Variants in SOAT2 observed in about 807,000 individuals in gnomAD.
SOAT2 encodes ACAT-2.
Under a neutral mutation model 76.0 loss-of-function variants are expected in SOAT2, and 87 were observed. The ratio of observed to expected loss-of-function variants is 1.14; its 90% CI spans 0.96 to 1.37. The LOEUF (loss-of-function observed/expected upper bound fraction) is 1.37, where lower values mean the gene tolerates loss of function less well. Among genes scored for constraint, SOAT2 ranks in the 40% most tolerant of loss-of-function variants. SOAT2 has a pLI of 0.00. For missense variants in SOAT2, 686 were observed against 682.1 expected, an observed-to-expected ratio of 1.01 and a Z score of -0.06; for synonymous variants, 285 against 275.4, an observed-to-expected ratio of 1.03 and a Z score of -0.34.
Position 53,109,720 on chromosome 12 carries a change from T to C in SOAT2, c.443+3706T>C, listed in dbSNP as rs1345969746. Among the ~76,000 whole-genome samples the C allele has an allele frequency of 2.0e-5, 3 of 152,156 alleles. No individual in the cohort carries two copies. The East Asian group carries it at 5.8e-4, about 29-fold the overall frequency. On this transcript the variant is annotated intron_variant, in intron 5 of 14. Coordinates refer to ENST00000301466, the MANE Select transcript of SOAT2 (RefSeq NM_003578.4). ...CCAGGCTGGTCTTGAACTCCTGACC[T>C]CAAGCGATCCACCCACCTTGACATT...
intron 2 of SOAT2, 37 bp downstream of exon 2, chr12:53,104,243 A>C (rs1212003581): frequency 6.8e-7 from 1 of 1,477,926 alleles, no homozygotes; most frequent in Admixed American, 1.7e-5. Context: ...AAGTGGACAG[A>C]TCCTTGGTAG....
chr12:53,123,278 T>A, intron 13 of SOAT2, 62 bp downstream of exon 13: 8 of 1,599,876 alleles, frequency 5.0e-6, no homozygotes, highest in African/African-American at 1.3e-5. Context: ...ATCCTGCTCC[T>A]GCAGATCCCA....
rs36020119 is a variant in SOAT2 at position 53,121,371 on chromosome 12, G to C, written c.1206G>C (p.Leu402=). ...RTWNVVVHDW[L]YSYVYQDGLR... Reference sequence around the variant, plus strand: ...GGAACGTGGTGGTCCATGACTGGCTGTACAGCTACGTGTATCAGGATGGGC... The same window carrying C: ...GGAACGTGGTGGTCCATGACTGGCTCTACAGCTACGTGTATCAGGATGGGC... Residue 402 remains leucine (L), a synonymous_variant, in exon 12 of 15, where the codon CTG becomes CTC. Coordinates refer to ENST00000301466, the MANE Select transcript of SOAT2 (RefSeq NM_003578.4). 945 of 1,614,152 alleles carry C rather than the reference G, an allele frequency of 5.9e-4. 9 individuals carry two copies. In the African/African-American group the frequency reaches 0.011, roughly 18 times the overall value.
At chr12:53,108,629 G>A (rs566454666) in intron 5 of SOAT2, among the ~76,000 whole-genome samples, 1 of 152,322 alleles carries the variant, frequency 6.6e-6, no homozygotes, top group Admixed American at 6.5e-5. Context: ...TAAGCAAAAA[G>A]TGAAAAAGAT....
chr12:53,105,594 T>C lies in SOAT2; in HGVS notation c.309T>C (p.Val103=), dbSNP rs1297621696. The part of the protein sequence containing the change: ...TQEPSLGKQK[V]FIIRKSLLDE... ...AGCCATCCCTGGGGAAACAGAAAGT[T>C]TTCATCATCCGCAAGTCCCTGCTTG... is the stretch of plus-strand genomic sequence containing the variant. The change falls in exon 4 of 15, where the codon GTT becomes GTC. Residue 103 remains valine (V), a synonymous_variant. Coordinates refer to ENST00000301466, the MANE Select transcript of SOAT2 (RefSeq NM_003578.4). 6.2e-7 allele frequency: 1 copy of C among 1,611,482 alleles called. No homozygotes were observed. Among genetic ancestry groups the C allele is most frequent in the African/African-American group, 1.3e-5 (1 of 74,856 alleles).
intron 5 of SOAT2, among the ~76,000 whole-genome samples, chr12:53,106,405 C>T (rs772310896): frequency 2.6e-5 from 4 of 152,346 alleles, no homozygotes; most frequent in Middle Eastern, 6.8e-3. Flanking sequence ...GGGCAGACCC[C>T]ACTCCTGTCT....
chr12:53,116,861 C>T (rs1938113301), intron 7 of SOAT2, among the ~76,000 whole-genome samples: 1 of 151,242 alleles, frequency 6.6e-6, no homozygotes, highest in Admixed American at 6.6e-5. Flanking sequence ...GACTGAGATC[C>T]CATCTCAAAA....
chr12:53,105,056 A>T (rs1231687356), intron 2 of SOAT2, 51 bp from the exon 3 acceptor site: 1 of 1,539,942 alleles, frequency 6.5e-7, no homozygotes, highest in African/African-American at 1.4e-5. Flanking sequence ...GGTGAATGAA[A>T]GGATGGCTGA....
intron 3 of SOAT2, 50 bp downstream of exon 3, chr12:53,105,293 G>C: frequency 6.4e-7 from 1 of 1,573,116 alleles, no homozygotes; most frequent in Non-Finnish European, 8.6e-7. Flanking sequence ...AGGATCATGA[G>C]CTAGAAACAT....
At chr12:53,119,055 G>A in intron 9 of SOAT2, 69 bp from the exon 10 acceptor site, 1 of 1,611,312 alleles carries the variant, frequency 6.2e-7, no homozygotes, top group Non-Finnish European at 8.5e-7. Flanking sequence ...CCAGTGCTGG[G>A]CCAGAGGTCA....
chr12:53,104,082 A>G, intron 1 of SOAT2, 69 bp from the exon 2 acceptor site: 1 of 1,320,750 alleles, frequency 7.6e-7, no homozygotes. Context: ...TTTCCTGACC[A>G]CAGGATGCCT....
At position 53,115,333 on chromosome 12, in the gene SOAT2, G is replaced by A. The variant is rs768348431; in HGVS notation, c.444-57G>A. 2.6e-4 allele frequency: 396 copies of A among 1,514,736 alleles called. 1 individual carries two copies. The highest frequency in any genetic ancestry group is 7.5e-4 in the Middle Eastern group (4 of 5,334). 93.8% of individuals were successfully genotyped at this position (1,514,736 alleles called of 1,614,324 possible). ...TCTTCCAGGAGCTCAGACTGAAGAGGAAGGGGACAAGAATGGGCTTCACTT... is the reference window on the plus strand; with the variant it reads ...TCTTCCAGGAGCTCAGACTGAAGAGAAAGGGGACAAGAATGGGCTTCACTT... On this transcript the variant is annotated intron_variant, in intron 5 of 14. Transcript: ENST00000301466.
rs1207682981 is a variant in SOAT2 at position 53,124,120 on chromosome 12, C to G, written c.1566C>G (p.Thr522=). 1.2e-6 allele frequency: 2 copies of G among 1,614,052 alleles called. No homozygotes were observed. The highest frequency in any genetic ancestry group is 1.7e-6 in the Non-Finnish European group (2 of 1,180,038). Residue 522 remains threonine, a synonymous_variant, in exon 15 of 15, where the codon ACC becomes ACG. Transcript: ENST00000301466. ...CACCTCGATCTTGGTCCTGCCATAC[C>G]TAGAGGTCGGGACAGACGACGCTAC... ...LVTPRSWSCH[T]
At chr12:53,118,575 A>T (rs1026322972) in intron 8 of SOAT2, 141 bp downstream of exon 8, 2 of 686,020 alleles carry the variant, frequency 2.9e-6, no homozygotes, top group Admixed American at 5.0e-5. Flanking sequence ...GATGGGAAAT[A>T]GGTGACTGGT....
At chr12:53,105,835 T>C in intron 4 of SOAT2, 72 bp from the exon 5 acceptor site, 1 of 1,274,152 alleles carries the variant, frequency 7.8e-7, no homozygotes. Flanking sequence ...GCCTCATGTG[T>C]ACAGTGTCTG....
chr12:53,105,264 C>A, intron 3 of SOAT2, 21 bp downstream of exon 3: 2 of 1,595,476 alleles, frequency 1.3e-6, no homozygotes, highest in South Asian at 1.1e-5. Flanking sequence ...GGAATGGCTG[C>A]GCGGGCTCCT....
At chr12:53,105,331 C>A in intron 3 of SOAT2, 88 bp downstream of exon 3, 1 of 1,480,970 alleles carries the variant, frequency 6.8e-7, no homozygotes, top group Non-Finnish European at 9.1e-7. Flanking sequence ...CCAGCTTTAT[C>A]AGGACCGTGA....
rs1938185907 is a variant in SOAT2 at position 53,121,344 on chromosome 12, T to G, written c.1179T>G (p.Thr393=). ...CGTCCTTCTCCAACTACTACCGCACTTGGAACGTGGTGGTCCATGACTGGC... is the reference window on the plus strand; with the variant it reads ...CGTCCTTCTCCAACTACTACCGCACGTGGAACGTGGTGGTCCATGACTGGC... ...NSTSFSNYYR[T]WNVVVHDWLY... The change falls in exon 12 of 15, where the codon ACT becomes ACG. Residue 393 remains threonine, a synonymous_variant. Transcript: ENST00000301466. 2 of 1,614,170 alleles carry G rather than the reference T, an allele frequency of 1.2e-6. No homozygotes were observed. Among genetic ancestry groups the G allele is most frequent in the Non-Finnish European group, 1.7e-6 (2 of 1,180,022 alleles).
rs145102946 is a variant in SOAT2, at chr12:53,105,013, T to G, written c.139-94T>G. ...GTTTTTTTTTTTAAAAAAAGCACTG[T>G]GCCTGGCATAGACAGAAATTCAGTG... is the stretch of plus-strand genomic sequence containing the variant. On this transcript the variant is annotated intron_variant, in intron 2 of 14. Transcript: ENST00000301466. 33 of 1,257,284 alleles carry G rather than the reference T, an allele frequency of 2.6e-5. No homozygotes were observed. In the African/African-American group the frequency reaches 4.5e-4, roughly 17 times the overall value. The allele number at this position is 1,257,284 out of a possible 1,614,324, so 77.9% of individuals were successfully genotyped here. A position where few individuals can be genotyped will look rare whatever the true frequency, so the allele number is the denominator to read the frequency against.
Sources: gnomAD v4.1 joint callset for allele counts (sites outside exome capture counted in the v4.1 genomes callset) on GRCh38, gnomAD v4.1.1 for gene constraint, MANE v1.5 for transcripts, NCBI Gene and HGNC (gene_info 2026-07-23, HGNC 2026-07-21) for gene names.